UBN1: variants seen among roughly 807,000 people sequenced by gnomAD.
UBN1 encodes the protein ubinuclein 1.
A neutral mutation model predicts 108.5 loss-of-function variants in UBN1; 17 were observed. The observed-to-expected ratio is 0.16, with a 90% CI of 0.11 to 0.24. The LOEUF is 0.24. Ranked by LOEUF, UBN1 falls within the 10% of genes least tolerant of loss-of-function variation. The pLI, the probability that UBN1 is intolerant of heterozygous loss-of-function variation, is 1.00. For synonymous variants in UBN1, 726 were observed against 564.2 expected, an observed-to-expected ratio of 1.29 and a Z score of -4.07; for missense variants, 1,595 against 1,394.4, an observed-to-expected ratio of 1.14 and a Z score of -2.29.
Position 4,860,768 on chromosome 16 carries a change from A to G in UBN1, c.776A>G (p.Gln259Arg), listed in dbSNP as rs1483514617. ...LKKFQKEKEA[Q>R]KKREEEHKPV... ...AAATTTCAGAAAGAGAAAGAGGCTCAGAAAAAAAGGGAGGAGGAGCATAAG... is the reference window on the plus strand; with the variant it reads ...AAATTTCAGAAAGAGAAAGAGGCTCGGAAAAAAAGGGAGGAGGAGCATAAG... Residue 259 changes from glutamine (Q) to arginine (R), a missense_variant, in exon 7 of 18, where the codon CAG becomes CGG. Physicochemically the swap from Gln to Arg is conservative, Grantham distance 43 (BLOSUM62 1). This residue lies in a region of UBN1 where 1,398 missense variants were observed against 1,194.7 expected (regional missense o/e 1.17). Coordinates refer to ENST00000262376, the MANE Select transcript of UBN1 (RefSeq NM_001079514.3). 6.2e-7 allele frequency: 1 copy of G among 1,614,186 alleles called. No individual in the cohort carries two copies. Among genetic ancestry groups the G allele is most frequent in the African/African-American group, 1.3e-5 (1 of 74,966 alleles).
rs778865755 is a variant in UBN1 at position 4,874,535 on chromosome 16, G to A, written c.2125G>A (p.Val709Ile). Reference protein sequence around the residue: ...SKAPAEKVGGVLCTEEKRNFA... With the variant: ...SKAPAEKVGGILCTEEKRNFA... ...AGCACCTGCAGAAAAAGTTGGAGGC[G>A]TTTTATGTACAGAAGAAAAAAGGAA... The change falls in exon 15 of 18, where the codon GTT becomes ATT. Residue 709 changes from valine to isoleucine, a missense_variant. Around this residue, in one of 3 missense-constraint regions of UBN1, gnomAD observed 1,398 missense variants for 1,194.7 expected, o/e 1.17. Coordinates refer to ENST00000262376, the MANE Select transcript of UBN1 (RefSeq NM_001079514.3). 3.3e-5 allele frequency: 53 copies of A among 1,614,194 alleles called. No homozygotes were observed. Among genetic ancestry groups the A allele is most frequent in the Middle Eastern group, 1.6e-4 (1 of 6,062 alleles).
chr16:4,857,546 C>T (rs1419240079), intron 2 of UBN1, among the ~76,000 whole-genome samples: 1 of 151,798 alleles, frequency 6.6e-6, no homozygotes, highest in Non-Finnish European at 1.5e-5. Context: ...CAGAACGGCT[C>T]TCAAGAACTT....
chr16:4,865,553 C>T (rs1002984694), intron 7 of UBN1, among the ~76,000 whole-genome samples: 1 of 152,054 alleles, frequency 6.6e-6, no homozygotes, highest in Non-Finnish European at 1.5e-5. Flanking sequence ...CAGCTGTAGT[C>T]CCAGCTGCTT....
chr16:4,878,284 A>G (rs1027763705), intron 17 of UBN1, among the ~76,000 whole-genome samples: 1 of 152,048 alleles, frequency 6.6e-6, no homozygotes, highest in Non-Finnish European at 1.5e-5. Flanking sequence ...CATTGTTCCT[A>G]CTGTAGACCC....
Position 4,847,726 on chromosome 16 carries a change from T to G in UBN1, c.-524T>G. On this transcript the variant is annotated 5_prime_UTR_variant, in exon 1 of 18. Transcript: ENST00000262376. ...CGGCCCCGTCGCAGCGCCAGTGAGC[T>G]ACCCTGACGGAGCTCGGCGCGGCCT... 2 of 163,344 alleles carry G rather than the reference T, an allele frequency of 1.2e-5. No individual in the cohort carries two copies. Among genetic ancestry groups the G allele is most frequent in the Non-Finnish European group, 2.6e-5 (2 of 75,654 alleles). The allele number at this position is 163,344 out of a possible 1,614,324, so 10.1% of individuals were successfully genotyped here.
chr16:4,877,008 T>C lies in UBN1; in HGVS notation c.3162T>C (p.His1054=), dbSNP rs1205696590. The C allele has an allele frequency of 1.2e-6, 2 of 1,614,240 alleles. No homozygotes were observed. The highest frequency in any genetic ancestry group is 1.3e-5 in the African/African-American group (1 of 75,074). Residue 1054 remains histidine (H), a synonymous_variant, in exon 16 of 18, where the codon CAT becomes CAC. Coordinates refer to ENST00000262376, the MANE Select transcript of UBN1 (RefSeq NM_001079514.3). The surrounding 1 kb of genome is among the most constrained non-coding windows in gnomAD (Gnocchi z 4.3). The part of the protein sequence containing the change: ...GIITPVPIPV[H]VLSFSADSSA... ...TAACCCCTGTCCCTATTCCTGTCCA[T>C]GTGCTCTCCTTCAGCGCTGACTCCT... is the stretch of plus-strand genomic sequence containing the variant.
chr16:4,851,325 C>A (rs955524844), intron 1 of UBN1, among the ~76,000 whole-genome samples: 15 of 152,142 alleles, frequency 9.9e-5, no homozygotes, highest in African/African-American at 3.1e-4. Flanking sequence ...ATTAGCACGC[C>A]TGTAGTTCCA....
chr16:4,861,366 C>T (rs1478807715), intron 7 of UBN1, among the ~76,000 whole-genome samples: 1 of 152,210 alleles, frequency 6.6e-6, no homozygotes. Context: ...TGTTTTCTGT[C>T]AGTTTGTTTT....
chr16:4,859,005 A>G lies in UBN1; in HGVS notation c.433-20A>G, dbSNP rs1337352059. 3.1e-6 allele frequency: 5 copies of G among 1,609,718 alleles called. No homozygotes were observed. Among genetic ancestry groups the G allele is most frequent in the Non-Finnish European group, 4.2e-6 (5 of 1,178,754 alleles). On this transcript the variant is annotated intron_variant, in intron 4 of 17. Coordinates refer to ENST00000262376, the MANE Select transcript of UBN1 (RefSeq NM_001079514.3). ...TGCAGAAGCAGAACTTGGAGCTGACAGTTTGTTTCCCATCTTCAGTATGAT... is the reference window on the plus strand; with the variant it reads ...TGCAGAAGCAGAACTTGGAGCTGACGGTTTGTTTCCCATCTTCAGTATGAT...
chr16:4,879,815 A>G (rs1048312477), intron 17 of UBN1, among the ~76,000 whole-genome samples: 3 of 152,180 alleles, frequency 2.0e-5, no homozygotes, highest in African/African-American at 7.2e-5. Flanking sequence ...GACGTAGCCC[A>G]AGTTGCACAG....
At chr16:4,867,499 G>A (rs981184783) in intron 7 of UBN1, among the ~76,000 whole-genome samples, 19 of 152,160 alleles carry the variant, frequency 1.2e-4, no homozygotes, top group Admixed American at 7.9e-4. Flanking sequence ...TATACCAGGC[G>A]TTGACTGTAA....
intron 17 of UBN1, among the ~76,000 whole-genome samples, chr16:4,878,622 A>G (rs968508533): frequency 9.8e-5 from 15 of 152,356 alleles, no homozygotes; most frequent in Admixed American, 7.8e-4. Context: ...TCTACAGACT[A>G]GAGGCTGCAG....
chr16:4,862,365 T>C (rs2087107710), intron 7 of UBN1, among the ~76,000 whole-genome samples: 1 of 152,250 alleles, frequency 6.6e-6, no homozygotes, highest in Non-Finnish European at 1.5e-5. Context: ...TCAGCTTGTG[T>C]CCAGCATTGG....
intron 2 of UBN1, among the ~76,000 whole-genome samples, 195 bp downstream of exon 2, chr16:4,853,361 T>C (rs919083669): frequency 4.6e-5 from 7 of 152,222 alleles, no homozygotes; most frequent in African/African-American, 1.2e-4. Context: ...ATTTGAATTA[T>C]GACTAATTAA....
Position 4,868,879 on chromosome 16 carries a change from A to C in UBN1, c.1157A>C (p.Gln386Pro). ...GAGAGCAGACAGAAGTTCTTCACCC[A>C]GGATATTAATGGAATCCTATTAGAG... Reference protein sequence around the residue: ...EGESRQKFFTQDINGILLDIE... With the variant: ...EGESRQKFFTPDINGILLDIE... The change falls in exon 8 of 18, where the codon CAG (glutamine) becomes CCG (proline). Residue 386 changes from glutamine (Q) to proline (P), a missense_variant. Coordinates refer to ENST00000262376, the MANE Select transcript of UBN1 (RefSeq NM_001079514.3). The C allele has an allele frequency of 1.9e-6, 3 of 1,613,970 alleles. No individual in the cohort carries two copies.
intron 13 of UBN1, 35 bp downstream of exon 13, chr16:4,872,969 GTGT>G (rs1319316290): frequency 1.2e-6 from 2 of 1,614,134 alleles, no homozygotes; most frequent in Non-Finnish European, 1.7e-6. Context: ...CTCGGGACAA[GTGT>G]TGTTTTTGGT....
At chr16:4,848,618 A>G (rs921766449) in intron 1 of UBN1, among the ~76,000 whole-genome samples, 4 of 152,232 alleles carry the variant, frequency 2.6e-5, no homozygotes, top group African/African-American at 7.2e-5. Context: ...TTGGGAGATC[A>G]GTTTCCCTGA....
chr16:4,875,999 C>T (rs902132223), intron 15 of UBN1, among the ~76,000 whole-genome samples: 4 of 149,432 alleles, frequency 2.7e-5, no homozygotes, highest in East Asian at 2.0e-4. Context: ...TGCTCTTTCA[C>T]CAAGGCTGGA....
chr16:4,868,670 C>T (rs187468576), intron 7 of UBN1, among the ~76,000 whole-genome samples, 163 bp from the exon 8 acceptor site: 8 of 152,264 alleles, frequency 5.3e-5, no homozygotes, highest in African/African-American at 1.4e-4. Context: ...GAATATTGAT[C>T]GCAGGCGAAC....
Sources: allele counts gnomAD v4.1 joint callset (sites outside exome capture counted in the v4.1 genomes callset), GRCh38; gene constraint gnomAD v4.1.1; regional missense constraint gnomAD v4.1.1; non-coding constraint Gnocchi (gnomAD v3.1); transcripts MANE v1.5; gene names NCBI Gene and HGNC (gene_info 2026-07-23, HGNC 2026-07-21).